The following NICOL1 variants were observed in gnomAD, a reference collection of about 807,000 sequenced individuals.
The protein encoded by NICOL1 is NELL2 interacting cell ontogeny regulator 1.
chr4:2,043,322 C>T, the NICOL1 span, among the ~76,000 whole-genome samples: 7 of 152,142 alleles, frequency 4.6e-5, no homozygotes, highest in Non-Finnish European at 8.8e-5. Context: ...GGAGCCCCCA[C>T]GCCATGGGGT....
chr4:2,042,247 G>A, the NICOL1 span: 2 of 1,215,346 alleles, frequency 1.6e-6, no homozygotes, highest in Non-Finnish European at 2.1e-6. Flanking sequence ...GACAAGGGTC[G>A]TGGGGCCCGC....
chr4:2,043,712 G>T, the NICOL1 span: 1 of 614,662 alleles, frequency 1.6e-6, no homozygotes. Context: ...GAGATGAGTG[G>T]GAGGCTCTGG....
chr4:2,042,169 A>C, the NICOL1 span: 18 of 1,221,230 alleles, frequency 1.5e-5, no homozygotes, highest in East Asian at 1.5e-4. Context: ...GAGTCGGGGA[A>C]CCGGAGGTGG....
At chr4:2,043,768 C>T in the NICOL1 span, 23 of 995,776 alleles carry the variant, frequency 2.3e-5, no homozygotes, top group South Asian at 1.9e-4. Context: ...TCTCAGGAGC[C>T]GGTGGAGATA....
At chr4:2,041,526 G>A in the NICOL1 span, among the ~76,000 whole-genome samples, 1 of 152,184 alleles carries the variant, frequency 6.6e-6, no homozygotes, top group Non-Finnish European at 1.5e-5. Flanking sequence ...CCCGAGGATC[G>A]GGGAGAGGCT....
chr4:2,038,284 T>TATATAA, the NICOL1 span, among the ~76,000 whole-genome samples: 2 of 114,878 alleles, frequency 1.7e-5, no homozygotes, highest in Non-Finnish European at 3.6e-5. Flanking sequence ...TATATATATA[T>TATATAA]AAAATTAAAA....
chr4:2,041,720 T>A, the NICOL1 span: 7 of 431,238 alleles, frequency 1.6e-5, no homozygotes, highest in African/African-American at 6.2e-5. Flanking sequence ...CCTGACCTGC[T>A]GAGCTCCAGC....
At chr4:2,039,636 A>G in the NICOL1 span, among the ~76,000 whole-genome samples, 3 of 151,974 alleles carry the variant, frequency 2.0e-5, no homozygotes, top group South Asian at 6.2e-4. Context: ...GGAGTTCGAG[A>G]CCAGCCTGCC....
chr4:2,038,247 A>G, the NICOL1 span, among the ~76,000 whole-genome samples: 56 of 58,780 alleles, frequency 9.5e-4, 1 homozygote, highest in African/African-American at 3.6e-3. Flanking sequence ...GTATATATAT[A>G]TATATATATA....
chr4:2,038,237 G>GTGTGTGTATATA, the NICOL1 span, among the ~76,000 whole-genome samples: 5 of 91,454 alleles, frequency 5.5e-5, no homozygotes, highest in African/African-American at 1.5e-4. Context: ...TGATCAGTGT[G>GTGTGTGTATATA]TATATATATA....
chr4:2,039,134 C>A, the NICOL1 span, among the ~76,000 whole-genome samples: 1 of 152,156 alleles, frequency 6.6e-6, no homozygotes, highest in Non-Finnish European at 1.5e-5. Flanking sequence ...TACATTATGG[C>A]TGAACTCGGT....
chr4:2,038,237 G>GTGTGTA, the NICOL1 span, among the ~76,000 whole-genome samples: 80 of 91,460 alleles, frequency 8.7e-4, no homozygotes, highest in African/African-American at 2.3e-3. Flanking sequence ...TGATCAGTGT[G>GTGTGTA]TATATATATA....
chr4:2,040,172 T>TCTCA, the NICOL1 span, among the ~76,000 whole-genome samples: 1 of 152,240 alleles, frequency 6.6e-6, no homozygotes. Flanking sequence ...AGTGGTGTGA[T>TCTCA]CTCAGCTCAC....
At chr4:2,042,089 G>A in the NICOL1 span, 6 of 1,483,764 alleles carry the variant, frequency 4.0e-6, no homozygotes, top group African/African-American at 5.9e-5. Flanking sequence ...TGGTGCGGGC[G>A]TCCGAATGGG....
chr4:2,042,609 G>T, the NICOL1 span: 1 of 533,458 alleles, frequency 1.9e-6, no homozygotes, highest in South Asian at 2.6e-5. Flanking sequence ...TCCCCTTCGC[G>T]GGAGATGGTG....
the NICOL1 span, chr4:2,042,243 G>C: frequency 1.6e-6 from 2 of 1,264,322 alleles, no homozygotes; most frequent in Non-Finnish European, 2.0e-6. Flanking sequence ...CTTGGACAAG[G>C]GTCGTGGGGC....
At chr4:2,043,408 AG>A in the NICOL1 span, among the ~76,000 whole-genome samples, 4 of 152,160 alleles carry the variant, frequency 2.6e-5, no homozygotes, top group Non-Finnish European at 5.9e-5. Context: ...AGGAGAAAGC[AG>A]GGAAGACCCT....
At chr4:2,042,115 G>T in the NICOL1 span, 1 of 1,484,674 alleles carries the variant, frequency 6.7e-7, no homozygotes, top group South Asian at 1.3e-5. Context: ...TCTAGATACG[G>T]GGCGCGGACT....
the NICOL1 span, among the ~76,000 whole-genome samples, chr4:2,037,247 A>G: frequency 1.3e-5 from 2 of 151,618 alleles, no homozygotes; most frequent in African/African-American, 4.9e-5. Flanking sequence ...AGTCAAGGAA[A>G]CCCTTTCTTC....
Sources: allele counts gnomAD v4.1 joint callset (sites outside exome capture counted in the v4.1 genomes callset), GRCh38; gene constraint gnomAD v4.1.1; transcripts MANE v1.5; gene names NCBI Gene and HGNC (gene_info 2026-07-23, HGNC 2026-07-21).